ZNF608: variants seen among roughly 807,000 people sequenced by gnomAD.
ZNF608 encodes the protein renal carcinoma antigen NY-REN-36.
ZNF608 carries 12 observed loss-of-function variants against 109.0 expected under a neutral mutation model. The observed-to-expected ratio is 0.11, with a 90% CI of 0.07 to 0.18. ZNF608 has a LOEUF of 0.18. Ranked by LOEUF, ZNF608 falls within the 10% of genes least tolerant of loss-of-function variation. The pLI is 1.00. For missense variants in ZNF608, 1,707 were observed against 1,879.3 expected, an observed-to-expected ratio of 0.91 and a Z score of 1.70; for synonymous variants, 732 against 717.4, an observed-to-expected ratio of 1.02 and a Z score of -0.33.
At chr5:124,671,574 T>C (rs1183094111) in intron 3 of ZNF608, among the ~76,000 whole-genome samples, 1 of 151,924 alleles carries the variant, frequency 6.6e-6, no homozygotes, top group African/African-American at 2.4e-5. Context: ...ATATTTTATA[T>C]GGAGAAAGAA....
At chr5:124,726,994 T>C (rs1211886302) in intron 2 of ZNF608, among the ~76,000 whole-genome samples, 1 of 152,224 alleles carries the variant, frequency 6.6e-6, no homozygotes, top group Non-Finnish European at 1.5e-5. Context: ...GCTCTTTCTC[T>C]CCCATCTCAA....
intron 2 of ZNF608, among the ~76,000 whole-genome samples, chr5:124,712,696 C>T (rs1228152450): frequency 6.6e-6 from 1 of 152,118 alleles, no homozygotes; most frequent in Non-Finnish European, 1.5e-5. Flanking sequence ...GCCCAGGGTC[C>T]CTGCTTTCCC....
chr5:124,695,601 C>T (rs978819343), intron 3 of ZNF608, among the ~76,000 whole-genome samples: 2 of 151,010 alleles, frequency 1.3e-5, no homozygotes, highest in African/African-American at 2.4e-5. Context: ...CTCGTGTCTA[C>T]AAAAAATACA....
In ZNF608 at chr5:124,673,684, T is replaced by C. The variant is rs1046780262; in HGVS notation, c.1163-23987A>G. On this transcript the variant is annotated intron_variant, in intron 3 of 9. Coordinates refer to ENST00000513986, the MANE Select transcript of ZNF608 (RefSeq NM_020747.3). Reference sequence around the variant, plus strand: ...CACAAACCAGACAACAGCTCAAAATTCAAAAAAGCCTAAATAGAAAATGGA... The same window carrying C: ...CACAAACCAGACAACAGCTCAAAATCCAAAAAAGCCTAAATAGAAAATGGA... Among the ~76,000 whole-genome samples the C allele has an allele frequency of 6.6e-5, 10 of 152,124 alleles. No homozygotes were observed. The East Asian group carries it at 1.9e-3, about 29-fold the overall frequency.
rs768323992 is a variant in ZNF608, at chr5:124,745,039, G to A, written c.-50C>T. On this transcript the variant is annotated 5_prime_UTR_variant, in exon 2 of 10. Coordinates refer to ENST00000513986, the MANE Select transcript of ZNF608 (RefSeq NM_020747.3). ...AAAATCCGATGAACTTTTCTTTGGA[G>A]ATGAGGGGACATTCGTTTATCTCCG... is the stretch of plus-strand genomic sequence containing the variant. The A allele has an allele frequency of 3.3e-6, 5 of 1,537,956 alleles. No homozygotes were observed. The highest frequency in any genetic ancestry group is 4.5e-5 in the East Asian group (2 of 44,372).
At chr5:124,641,429 C>A in intron 7 of ZNF608, 24 bp from the exon 8 acceptor site, 5 of 1,593,482 alleles carry the variant, frequency 3.1e-6, no homozygotes, top group Non-Finnish European at 4.3e-6. Context: ...GAGAAATTTT[C>A]CCCCTTCATG....
At chr5:124,659,980 G>A (rs1180512368) in intron 3 of ZNF608, among the ~76,000 whole-genome samples, 1 of 152,196 alleles carries the variant, frequency 6.6e-6, no homozygotes, top group African/African-American at 2.4e-5. Context: ...GCCCAGGAGA[G>A]CATACATTCC....
At chr5:124,722,576 T>TACACACAC (rs10556672) in intron 2 of ZNF608, among the ~76,000 whole-genome samples, 97 of 145,080 alleles carry the variant, frequency 6.7e-4, no homozygotes, top group South Asian at 1.8e-3. Context: ...ACCCTTAAAA[T>TACACACAC]ACACACACAC....
chr5:124,665,162 G>C (rs1174958282), intron 3 of ZNF608, among the ~76,000 whole-genome samples: 2 of 148,674 alleles, frequency 1.3e-5, no homozygotes, highest in South Asian at 2.1e-4. Context: ...GGCAACAGAG[G>C]GAGACTCCAC....
At chr5:124,713,213 T>C (rs1753570211) in intron 2 of ZNF608, among the ~76,000 whole-genome samples, 1 of 152,184 alleles carries the variant, frequency 6.6e-6, no homozygotes, top group South Asian at 2.1e-4. Flanking sequence ...GGTTCCACCC[T>C]ACAAATCCCA....
chr5:124,677,637 C>G (rs1016078184), intron 3 of ZNF608, among the ~76,000 whole-genome samples: 1 of 152,180 alleles, frequency 6.6e-6, no homozygotes, highest in South Asian at 2.1e-4. Context: ...CAGGTCTGCT[C>G]TCCCATCTGC....
intron 3 of ZNF608, among the ~76,000 whole-genome samples, chr5:124,662,655 C>G (rs568581918): frequency 6.6e-6 from 1 of 152,354 alleles, no homozygotes; most frequent in South Asian, 2.1e-4. Flanking sequence ...GCAGGGCAGC[C>G]GACTTCAAGC....
chr5:124,704,731 G>A (rs143493359), intron 2 of ZNF608, among the ~76,000 whole-genome samples: 2 of 152,162 alleles, frequency 1.3e-5, no homozygotes, highest in African/African-American at 4.8e-5. Flanking sequence ...GCCTTGCCAC[G>A]TGACTTGCCC....
chr5:124,673,084 A>T (rs1176438076), intron 3 of ZNF608, among the ~76,000 whole-genome samples: 1 of 152,208 alleles, frequency 6.6e-6, no homozygotes, highest in Non-Finnish European at 1.5e-5. Flanking sequence ...GGAGCCTCCA[A>T]TAGCCAATGA....
chr5:124,727,872 T>C (rs1377031582), intron 2 of ZNF608, among the ~76,000 whole-genome samples: 1 of 151,886 alleles, frequency 6.6e-6, no homozygotes, highest in East Asian at 1.9e-4. Context: ...CCCAAGTAGC[T>C]GGGATTACAG....
At chr5:124,724,174 T>A (rs1282538421) in intron 2 of ZNF608, among the ~76,000 whole-genome samples, 2 of 152,108 alleles carry the variant, frequency 1.3e-5, no homozygotes, top group Admixed American at 1.3e-4. Context: ...TGCAGATCAG[T>A]TTCTTTAATA....
chr5:124,684,143 G>A lies in ZNF608; in HGVS notation c.1162+16871C>T, dbSNP rs564281846. On this transcript the variant is annotated intron_variant, in intron 3 of 9. Coordinates refer to ENST00000513986, the MANE Select transcript of ZNF608 (RefSeq NM_020747.3). ...TTTGCACTATGGCTAATGCCATCAG[G>A]GCTGACTATTTGCTAATAATTTTGT... Among the ~76,000 whole-genome samples the A allele has an allele frequency of 7.9e-5, 12 of 152,244 alleles. No homozygotes were observed. In the South Asian group the frequency reaches 2.3e-3, roughly 29 times the overall value.
At chr5:124,732,168 C>A (rs1314165173) in intron 2 of ZNF608, among the ~76,000 whole-genome samples, 1 of 152,000 alleles carries the variant, frequency 6.6e-6, no homozygotes, top group Non-Finnish European at 1.5e-5. Flanking sequence ...AGGAGAAAAA[C>A]AAAACAAGAT....
intron 3 of ZNF608, among the ~76,000 whole-genome samples, chr5:124,660,341 G>A (rs143672472): frequency 2.0e-5 from 3 of 152,296 alleles, no homozygotes; most frequent in African/African-American, 7.2e-5. Context: ...CACCTTTGGC[G>A]GCAGGGTGAA....
Sources: allele counts gnomAD v4.1 joint callset (sites outside exome capture counted in the v4.1 genomes callset), GRCh38; gene constraint gnomAD v4.1.1; transcripts MANE v1.5; gene names NCBI Gene and HGNC (gene_info 2026-07-23, HGNC 2026-07-21).